Variants in AATK observed in about 807,000 individuals in gnomAD.
AATK encodes the protein serine/threonine-protein kinase LMTK1.
Under a neutral mutation model 114.3 loss-of-function variants are expected in AATK, and 91 were observed. The observed-to-expected ratio is 0.80, with a 90% CI of 0.67 to 0.95. The LOEUF is 0.95. Ranked by LOEUF, AATK falls within the 40% of genes least tolerant of loss-of-function variation. The pLI is 0.00. For synonymous variants in AATK, 1,075 were observed against 916.5 expected (o/e 1.17, Z -3.12); for missense variants, 2,176 against 1,965.2 (o/e 1.11, Z -2.03).
chr17:81,126,669 A>G lies in AATK; in HGVS notation c.622-109T>C, dbSNP rs1166662931. 4.1e-6 allele frequency: 6 copies of G among 1,459,666 alleles called. No homozygotes were observed. The highest frequency in any genetic ancestry group is 1.4e-5 in the African/African-American group (1 of 70,922). 90.4% of individuals were successfully genotyped at this position (1,459,666 alleles called of 1,614,324 possible). A position where few individuals can be genotyped will look rare whatever the true frequency, so the allele number is the denominator to read the frequency against. On this transcript the variant is annotated intron_variant, in intron 6 of 13. Transcript: ENST00000326724. The surrounding 1 kb of genome is among the most constrained non-coding windows in gnomAD (Gnocchi z 5.1). ...CCACCCCTACCCACAGCTGAGGGAC[A>G]GCAGCTGCCCAGAGCAGCCTCGTGC... is the stretch of plus-strand genomic sequence containing the variant.
chr17:81,138,936 A>G (rs113657842), intron 1 of AATK, among the ~76,000 whole-genome samples: 3 of 148,596 alleles, frequency 2.0e-5, no homozygotes, highest in African/African-American at 7.7e-5. Context: ...ACGTGTAGGC[A>G]CACACACATG....
Position 81,158,544 on chromosome 17 carries a change from G to A in AATK, c.55+7394C>T, listed in dbSNP as rs141850599. 3.0e-4 allele frequency among the ~76,000 whole-genome samples: 46 copies of A among 152,352 alleles called. 1 individual carries two copies. The East Asian group carries it at 8.7e-3, about 29-fold the overall frequency. ...CGGGAAGTGAAGCAGCAGGCCACCT[G>A]CTCACTGCGCACAGACCTGAGGCCT... On this transcript the variant is annotated intron_variant, in intron 1 of 13. Coordinates refer to ENST00000326724, the MANE Select transcript of AATK (RefSeq NM_001080395.3).
chr17:81,154,319 C>CTTTTTTTTTTTTTTTT (rs202002919), intron 1 of AATK, among the ~76,000 whole-genome samples: 2 of 113,806 alleles, frequency 1.8e-5, no homozygotes, highest in Non-Finnish European at 1.7e-5. Context: ...TTTTTTCTTT[C>CTTTTTTTTTTTTTTTT]TTTTTTTTTT....
In AATK at chr17:81,122,376, G is replaced by T; in HGVS notation, c.1560C>A (p.Ser520Arg). The change falls in exon 11 of 14, where the codon AGC becomes AGA. Residue 520 changes from serine (S) to arginine (R), a missense_variant. Transcript: ENST00000326724. ...CGCTGCCCAGCGACGGGCTGTGCGC[G>T]CTGAGCACCGGAACCACGCCCGGGG... Reference protein sequence around the residue: ...GAPPGVVPVLSAHSPSLGSEY... With the variant: ...GAPPGVVPVLRAHSPSLGSEY... The T allele has an allele frequency of 4.0e-6, 6 of 1,496,712 alleles. No individual in the cohort carries two copies. The highest frequency in any genetic ancestry group is 1.2e-5 in the South Asian group (1 of 81,176). The allele number at this position is 1,496,712 out of a possible 1,614,324, so 92.7% of individuals were successfully genotyped here.
intron 1 of AATK, among the ~76,000 whole-genome samples, chr17:81,137,040 T>C (rs950669898): frequency 1.3e-4 from 19 of 151,926 alleles, no homozygotes; most frequent in African/African-American, 4.4e-4. Flanking sequence ...GGTGGATCAC[T>C]TGAGGTCAGG....
chr17:81,154,724 G>C (rs1375214442), intron 1 of AATK, among the ~76,000 whole-genome samples: 1 of 143,228 alleles, frequency 7.0e-6, no homozygotes, highest in Non-Finnish European at 1.5e-5. Flanking sequence ...CCACCTCCCA[G>C]GTTCAAGCAA....
At position 81,120,004 on chromosome 17, in the gene AATK, C is replaced by G; in HGVS notation, c.3815G>C (p.Gly1272Ala). 4 of 1,446,944 alleles carry G rather than the reference C, an allele frequency of 2.8e-6. No individual in the cohort carries two copies. The highest frequency in any genetic ancestry group is 3.6e-6 in the Non-Finnish European group (4 of 1,099,394). The allele number at this position is 1,446,944 out of a possible 1,614,324, so 89.6% of individuals were successfully genotyped here. A position where few individuals can be genotyped will look rare whatever the true frequency, so the allele number is the denominator to read the frequency against. ...CGGCCGGTTGGGGGCGCTGGGAGAGCCGGGGCTCCCCCTAAGGAACGTAGG... is the reference window on the plus strand; with the variant it reads ...CGGCCGGTTGGGGGCGCTGGGAGAGGCGGGGCTCCCCCTAAGGAACGTAGG... The part of the protein sequence containing the change: ...SPPTFLRGSP[G>A]SPSAPNRPQQ... The change falls in exon 12 of 14, where the codon GGC (glycine) becomes GCC (alanine). Residue 1272 changes from glycine to alanine, a missense_variant. Gly to Ala is a moderately conservative substitution (Grantham distance 60). Transcript: ENST00000326724.
At chr17:81,128,209 A>G (rs2060876566) in intron 4 of AATK, among the ~76,000 whole-genome samples, 2 of 152,062 alleles carry the variant, frequency 1.3e-5, no homozygotes, top group Non-Finnish European at 2.9e-5. Context: ...GTTTAGGCCA[A>G]GGTCAGGGGA....
At chr17:81,119,342 C>CCGCGTGCCCTACCTCT (rs11275051) in intron 13 of AATK, 38 bp downstream of exon 13, 1,242,827 of 1,479,580 alleles carry the variant, frequency 0.84, 524,825 homozygotes, top group Middle Eastern at 0.88. Context: ...GCCCTGCCTC[C>CCGCGTGCCCTACCTCT]CGCGTGCCCT....
In AATK at chr17:81,122,582, G is replaced by A; in HGVS notation, c.1354C>T (p.Gln452Ter). The A allele has an allele frequency of 6.9e-7, 1 of 1,451,254 alleles. No individual in the cohort carries two copies. The highest frequency in any genetic ancestry group is 9.1e-7 in the Non-Finnish European group (1 of 1,093,848). 89.9% of individuals were successfully genotyped at this position (1,451,254 alleles called of 1,614,324 possible). A position where few individuals can be genotyped will look rare whatever the true frequency, so the allele number is the denominator to read the frequency against. Residue 452 changes from glutamine (Q) to a stop codon, truncating the protein, a stop_gained, in exon 11 of 14, where the codon CAG becomes TAG. Transcript: ENST00000326724. LOFTEE classifies it high-confidence loss of function. ...GCGTGGAAGCCGTCGCCCGCGAACT[G>A]CTCCAGCAGCGGGAAGGACGAGGCA... The part of the protein sequence containing the change: ...AAASSFPLLE[Q>*]FAGDGFHADG...
rs1319758054 is a variant in AATK, at chr17:81,121,234, T to C, written c.2702A>G (p.Asp901Gly). 4 of 1,606,174 alleles carry C rather than the reference T, an allele frequency of 2.5e-6. No homozygotes were observed. Among genetic ancestry groups the C allele is most frequent in the Non-Finnish European group, 3.4e-6 (4 of 1,176,984 alleles). The change falls in exon 11 of 14, where the codon GAC becomes GGC. Residue 901 changes from aspartate (D) to glycine (G), a missense_variant. By Grantham distance (94) the Asp-to-Gly change is moderately conservative (BLOSUM62 -1). Coordinates refer to ENST00000326724, the MANE Select transcript of AATK (RefSeq NM_001080395.3). ...CGGGATGTCCAGGGAGTCCAGGGAG[T>C]CGGGGGTCCCCACCTGCTTCTGCAG... ...RSLQKQVGTP[D>G]SLDSLDIPSS...
chr17:81,121,303 C>T lies in AATK; in HGVS notation c.2633G>A (p.Gly878Asp). The change falls in exon 11 of 14, where the codon GGC (glycine) becomes GAC (aspartate). Residue 878 changes from glycine (G) to aspartate (D), a missense_variant. By Grantham distance (94) the Gly-to-Asp change is moderately conservative. Transcript: ENST00000326724. Reference protein sequence around the residue: ...SGIFTDTSSDGLQARRPDVVP... With the variant: ...SGIFTDTSSDDLQARRPDVVP... ...CACATCCGGCCTCCTGGCCTGCAGG[C>T]CGTCGCTGGACGTGTCGGTGAAGAT... 1 of 1,611,606 alleles carries T rather than the reference C, an allele frequency of 6.2e-7. No individual in the cohort carries two copies. Among genetic ancestry groups the T allele is most frequent in the South Asian group, 1.1e-5 (1 of 90,976 alleles).
In AATK at chr17:81,126,346, G is replaced by C; in HGVS notation, c.755+81C>G. Reference sequence around the variant, plus strand: ...GGCCGGTCCTCGCAAGCCCCCTGAGGCAGGACCCGCCCTATGCCCTTCCTT... The same window carrying C: ...GGCCGGTCCTCGCAAGCCCCCTGAGCCAGGACCCGCCCTATGCCCTTCCTT... On this transcript the variant is annotated intron_variant, in intron 7 of 13. Transcript: ENST00000326724. This position sits in a 1 kb window ranked among gnomAD's most constrained non-coding sequence, Gnocchi z 5.1. 1.4e-6 allele frequency: 2 copies of C among 1,475,476 alleles called. No individual in the cohort carries two copies. The highest frequency in any genetic ancestry group is 2.3e-5 in the Admixed American group (1 of 44,108). 91.4% of individuals were successfully genotyped at this position (1,475,476 alleles called of 1,614,324 possible).
Position 81,124,696 on chromosome 17 carries a change from C to A in AATK, c.962+31G>T, listed in dbSNP as rs757825316. On this transcript the variant is annotated intron_variant, in intron 9 of 13. Coordinates refer to ENST00000326724, the MANE Select transcript of AATK (RefSeq NM_001080395.3). ...GTGGGCAGGTGGCACTCGGCCTCGG[C>A]CCCTCACGGTGCCACCAGGGCCGCA... The A allele has an allele frequency of 1.6e-5, 26 of 1,606,242 alleles. No homozygotes were observed. The African/African-American group carries it at 3.5e-4, about 21-fold the overall frequency.
chr17:81,156,937 G>A (rs1022572851), intron 1 of AATK, among the ~76,000 whole-genome samples: 11 of 152,016 alleles, frequency 7.2e-5, no homozygotes, highest in Middle Eastern at 3.4e-3. Context: ...GGCGGGGTAC[G>A]GCAAGACCCC....
Position 81,118,248 on chromosome 17 carries a change from G to C in AATK, c.*154C>G. On this transcript the variant is annotated 3_prime_UTR_variant, in exon 14 of 14. Transcript: ENST00000326724. ...TACCATCCAGGGCCTCTCATCCCAC[G>C]GGCTTCTCCAGGACACCGCGTGGGG... The C allele has an allele frequency of 2.8e-6, 2 of 701,944 alleles. No individual in the cohort carries two copies. Among genetic ancestry groups the C allele is most frequent in the East Asian group, 2.8e-5 (1 of 36,104 alleles). 43.5% of individuals were successfully genotyped at this position (701,944 alleles called of 1,614,324 possible). A position where few individuals can be genotyped will look rare whatever the true frequency, so the allele number is the denominator to read the frequency against.
At chr17:81,145,913 C>T (rs970779331) in intron 1 of AATK, among the ~76,000 whole-genome samples, 5 of 152,020 alleles carry the variant, frequency 3.3e-5, no homozygotes, top group Non-Finnish European at 7.4e-5. Flanking sequence ...CAAGACTGAG[C>T]GCGGTGGCTC....
chr17:81,140,367 ATTG>A (rs1335255951), intron 1 of AATK, among the ~76,000 whole-genome samples: 3 of 152,172 alleles, frequency 2.0e-5, no homozygotes, highest in Non-Finnish European at 4.4e-5. Flanking sequence ...TGTTACTGTA[ATTG>A]TTTAGTTTGA....
At chr17:81,133,359 C>T in intron 2 of AATK, 1 of 363,854 alleles carries the variant, frequency 2.7e-6, no homozygotes, top group South Asian at 2.0e-5. Flanking sequence ...ATACCAGGGG[C>T]AGGGAGGACT....
Sources: gnomAD v4.1 joint callset for allele counts (sites outside exome capture counted in the v4.1 genomes callset) on GRCh38, gnomAD v4.1.1 for gene constraint, Gnocchi (gnomAD v3.1) non-coding constraint, MANE v1.5 for transcripts, NCBI Gene and HGNC (gene_info 2026-07-23, HGNC 2026-07-21) for gene names.